GRB10: variants seen among roughly 807,000 people sequenced by gnomAD.
The protein encoded by GRB10 is growth factor receptor bound protein 10.
A neutral mutation model predicts 80.9 loss-of-function variants in GRB10; 20 were observed. The ratio of observed to expected loss-of-function variants is 0.25; its 90% CI spans 0.17 to 0.36. GRB10 has a LOEUF of 0.36. Ranked by LOEUF, GRB10 falls within the 10% of genes least tolerant of loss-of-function variation. The probability of loss-of-function intolerance (pLI) is 1.00; values close to 1 mark genes in which losing one functional copy is unlikely to be tolerated. For synonymous variants in GRB10, 291 were observed against 291.5 expected, an observed-to-expected ratio of 1.00 and a Z score of 0.02; for missense variants, 548 against 747.7, an observed-to-expected ratio of 0.73 and a Z score of 3.12.
At chr7:50,711,574 C>T (rs868764255) in intron 4 of GRB10, among the ~76,000 whole-genome samples, 22 of 152,132 alleles carry the variant, frequency 1.4e-4, no homozygotes, top group African/African-American at 5.3e-4. Flanking sequence ...CTATTGCAGC[C>T]GAGTGAAGAG....
intron 4 of GRB10, among the ~76,000 whole-genome samples, chr7:50,720,871 A>G (rs1169647893): frequency 2.0e-5 from 3 of 152,036 alleles, no homozygotes; most frequent in Non-Finnish European, 4.4e-5. Context: ...CTGGCTGTCT[A>G]AAGCACGATA....
At chr7:50,603,672 C>A (rs946908686) in intron 17 of GRB10, among the ~76,000 whole-genome samples, 1 of 152,196 alleles carries the variant, frequency 6.6e-6, no homozygotes, top group African/African-American at 2.4e-5. Context: ...AATCAAAAAG[C>A]GTAGGCAAAA....
chr7:50,617,400 T>C (rs73697023), intron 10 of GRB10, among the ~76,000 whole-genome samples: 1,868 of 152,288 alleles, frequency 0.012, 33 homozygotes, highest in African/African-American at 0.042. Context: ...ATTCTCTCAC[T>C]TTTAACATGT....
intron 4 of GRB10, among the ~76,000 whole-genome samples, chr7:50,731,171 A>C (rs2069655496): frequency 6.6e-6 from 1 of 152,050 alleles, no homozygotes; most frequent in Non-Finnish European, 1.5e-5. Flanking sequence ...TCACCACCAA[A>C]CTTTGCAGTT....
At chr7:50,625,144 A>G (rs2052646861) in intron 8 of GRB10, among the ~76,000 whole-genome samples, 1 of 152,200 alleles carries the variant, frequency 6.6e-6, no homozygotes, top group Admixed American at 6.5e-5. Flanking sequence ...ATCAAAGGGT[A>G]TCACATGAAA....
intron 5 of GRB10, among the ~76,000 whole-genome samples, chr7:50,692,477 T>G (rs2529406): frequency 6.6e-6 from 1 of 151,970 alleles, no homozygotes; most frequent in Non-Finnish European, 1.5e-5. Context: ...GCTGCCGATA[T>G]CTCATGAATG....
chr7:50,765,133 C>T (rs545372096), intron 2 of GRB10, among the ~76,000 whole-genome samples: 21 of 152,292 alleles, frequency 1.4e-4, no homozygotes, highest in African/African-American at 5.1e-4. Context: ...TATCATCTCA[C>T]CCCAGTTAAA....
At chr7:50,681,049 C>T (rs956865141) in intron 5 of GRB10, among the ~76,000 whole-genome samples, 43 of 152,204 alleles carry the variant, frequency 2.8e-4, no homozygotes, top group African/African-American at 8.9e-4. Flanking sequence ...CCTCTGCTCT[C>T]CTTAAAGCTA....
In GRB10 at chr7:50,782,127, G is replaced by T. The variant is rs2078348753; in HGVS notation, c.-327+297C>A. ...GAGGTTCGCTCGAATCGTCGTCACG[G>T]GTTTCCGTGGGTACAGTTATTACTC... On this transcript the variant is annotated intron_variant, in intron 1 of 18. Transcript: ENST00000401949. The surrounding 1 kb of genome is among the most constrained non-coding windows in gnomAD (Gnocchi z 6.6). Among the ~76,000 whole-genome samples, 1 of 152,184 alleles carries T rather than the reference G, an allele frequency of 6.6e-6. No homozygotes were observed. The highest frequency in any genetic ancestry group is 1.5e-5 in the Non-Finnish European group (1 of 68,036).
chr7:50,680,361 C>A (rs956882070), intron 5 of GRB10, among the ~76,000 whole-genome samples: 6 of 152,198 alleles, frequency 3.9e-5, no homozygotes, highest in Non-Finnish European at 8.8e-5. Context: ...TCCTCTCTAC[C>A]CAGCTCACAA....
chr7:50,669,221 T>C (rs749233913), intron 7 of GRB10, among the ~76,000 whole-genome samples: 4 of 152,222 alleles, frequency 2.6e-5, no homozygotes, highest in Non-Finnish European at 5.9e-5. Context: ...TTTTGATCAA[T>C]AATGAAAAGA....
At chr7:50,681,449 G>C (rs2061535790) in intron 5 of GRB10, among the ~76,000 whole-genome samples, 2 of 152,212 alleles carry the variant, frequency 1.3e-5, no homozygotes, top group South Asian at 4.1e-4. Context: ...CGACCTTAAG[G>C]CTCTCCAGAC....
intron 2 of GRB10, among the ~76,000 whole-genome samples, chr7:50,773,818 A>G (rs2077282322): frequency 6.6e-6 from 1 of 152,254 alleles, no homozygotes; most frequent in African/African-American, 2.4e-5. Context: ...TGAATAAACA[A>G]AAAGTAGTAT....
intron 1 of GRB10, chr7:50,792,406 CAAG>C (rs2078962778): frequency 2.5e-6 from 1 of 398,322 alleles, no homozygotes; most frequent in Admixed American, 4.4e-5. Flanking sequence ...CTTCCAATCC[CAAG>C]AAAAGACGCA....
chr7:50,737,429 A>C (rs553951751), intron 3 of GRB10, among the ~76,000 whole-genome samples: 1 of 152,302 alleles, frequency 6.6e-6, no homozygotes, highest in South Asian at 2.1e-4. Context: ...CCATGAGTCT[A>C]AGTTCCCTGA....
intron 4 of GRB10, among the ~76,000 whole-genome samples, chr7:50,704,656 C>CTAA (rs1371763484): frequency 6.6e-6 from 1 of 152,216 alleles, no homozygotes; most frequent in East Asian, 1.9e-4. Context: ...CCCAGAACTA[C>CTAA]TAATATTAAT....
intron 5 of GRB10, among the ~76,000 whole-genome samples, chr7:50,683,510 G>C (rs911528557): frequency 1.3e-5 from 2 of 152,192 alleles, no homozygotes; most frequent in African/African-American, 4.8e-5. Context: ...GCCGTGGCGG[G>C]TGGATCACCT....
chr7:50,616,171 G>C (rs1457586314), intron 11 of GRB10, 39 bp downstream of exon 11: 1 of 1,613,608 alleles, frequency 6.2e-7, no homozygotes, highest in African/African-American at 1.3e-5. Flanking sequence ...AGTGACTGTG[G>C]CAGAATTAGG....
In GRB10 at chr7:50,619,292, G is replaced by C; in HGVS notation, c.662-7C>G. 6.4e-7 allele frequency: 1 copy of C among 1,554,242 alleles called. No individual in the cohort carries two copies. The highest frequency in any genetic ancestry group is 1.4e-5 in the African/African-American group (1 of 73,974). Reference sequence around the variant, plus strand: ...TGGTCTTCCAAGCACCTCTCTGCAGGGGCAAAGCATCACGTGTGAGACGCA... The same window carrying C: ...TGGTCTTCCAAGCACCTCTCTGCAGCGGCAAAGCATCACGTGTGAGACGCA... On this transcript the variant is annotated splice_polypyrimidine_tract_variant and splice_region_variant and intron_variant, in intron 8 of 18. Transcript: ENST00000401949.
Sources: gnomAD v4.1 joint callset for allele counts (sites outside exome capture counted in the v4.1 genomes callset) on GRCh38, gnomAD v4.1.1 for gene constraint, Gnocchi (gnomAD v3.1) non-coding constraint, MANE v1.5 for transcripts, NCBI Gene and HGNC (gene_info 2026-07-23, HGNC 2026-07-21) for gene names.